Variants in CYB5R4 observed in about 807,000 individuals in gnomAD.
The protein encoded by CYB5R4 is N-terminal cytochrome b5 and cytochrome b5 oxidoreductase domain-containing protein.
A neutral mutation model predicts 70.2 loss-of-function variants in CYB5R4; 55 were observed. The ratio of observed to expected loss-of-function variants is 0.78; its 90% CI spans 0.63 to 0.98. The LOEUF is 0.98. Among genes scored for constraint, CYB5R4 ranks in the 50% least tolerant of loss-of-function variants. The pLI is 0.00. For missense variants in CYB5R4, 562 were observed against 612.6 expected (o/e 0.92, Z 0.87); for synonymous variants, 197 against 199.5 (o/e 0.99, Z 0.11).
intron 9 of CYB5R4, among the ~76,000 whole-genome samples, chr6:83,923,476 A>G (rs972537876): frequency 6.6e-6 from 1 of 152,144 alleles, no homozygotes; most frequent in African/African-American, 2.4e-5. Flanking sequence ...TTAAATTGTT[A>G]CTGGGTGTTG....
intron 2 of CYB5R4, among the ~76,000 whole-genome samples, chr6:83,867,617 G>A (rs541646725): frequency 1.3e-5 from 2 of 152,346 alleles, no homozygotes; most frequent in Admixed American, 6.5e-5. Flanking sequence ...GGAATAATAG[G>A]ATGAATGTGA....
intron 2 of CYB5R4, among the ~76,000 whole-genome samples, chr6:83,879,541 T>C (rs757222532): frequency 2.4e-4 from 36 of 152,062 alleles, no homozygotes; most frequent in Non-Finnish European, 2.8e-4. Context: ...CCAGATAGGA[T>C]CTGTGGTATG....
intron 2 of CYB5R4, among the ~76,000 whole-genome samples, chr6:83,891,275 A>T (rs2099461083): frequency 6.6e-6 from 1 of 152,192 alleles, no homozygotes; most frequent in Non-Finnish European, 1.5e-5. Flanking sequence ...GCACTGGGAA[A>T]CCAAAACATT....
intron 10 of CYB5R4, among the ~76,000 whole-genome samples, chr6:83,933,367 G>A (rs1222660789): frequency 6.6e-6 from 1 of 152,206 alleles, no homozygotes; most frequent in Non-Finnish European, 1.5e-5. Flanking sequence ...GAGCAAAAGG[G>A]AGAAGGGAAG....
intron 1 of CYB5R4, among the ~76,000 whole-genome samples, chr6:83,860,366 T>C (rs2099455737): frequency 6.6e-6 from 1 of 152,166 alleles, no homozygotes; most frequent in Non-Finnish European, 1.5e-5. Context: ...TTACAGACAC[T>C]ATCCAAGACA....
At position 83,966,707 on chromosome 6, in the gene CYB5R4, T is replaced by TA. The variant is rs1355839873; in HGVS notation, c.*6834dup. 6.6e-6 allele frequency: 1 copy of TA among 151,382 alleles called. No homozygotes were observed. The highest frequency in any genetic ancestry group is 1.5e-5 in the Non-Finnish European group (1 of 67,788). 9.4% of individuals were successfully genotyped at this position (151,382 alleles called of 1,614,324 possible). ...ACTCCATCTCAAAAAATAAAACAAATAAAAAGGATTCTAGAGGAAGTGGTA... is the reference window on the plus strand; with the variant it reads ...ACTCCATCTCAAAAAATAAAACAAATAAAAAAGGATTCTAGAGGAAGTGGTA... On this transcript the variant is annotated 3_prime_UTR_variant, in exon 16 of 16. Coordinates refer to ENST00000369681, the MANE Select transcript of CYB5R4 (RefSeq NM_016230.4).
rs1708396311 is a variant in CYB5R4 at position 83,963,378 on chromosome 6, C to G, written c.*3500C>G. 1 of 152,196 alleles carries G rather than the reference C, an allele frequency of 6.6e-6. No homozygotes were observed. Among genetic ancestry groups the G allele is most frequent in the African/African-American group, 2.4e-5 (1 of 41,448 alleles). 9.4% of individuals were successfully genotyped at this position (152,196 alleles called of 1,614,324 possible). A position where few individuals can be genotyped will look rare whatever the true frequency, so the allele number is the denominator to read the frequency against. Reference sequence around the variant, plus strand: ...TACAACCTGCTCTGTGATCTACCTTCTGAACCACACAAGCTTGTCCTGAAC... The same window carrying G: ...TACAACCTGCTCTGTGATCTACCTTGTGAACCACACAAGCTTGTCCTGAAC... On this transcript the variant is annotated 3_prime_UTR_variant, in exon 16 of 16. Transcript: ENST00000369681.
At chr6:83,939,528 A>T (rs1213515964) in intron 12 of CYB5R4, among the ~76,000 whole-genome samples, 1 of 152,190 alleles carries the variant, frequency 6.6e-6, no homozygotes, top group African/African-American at 2.4e-5. Context: ...GTAGAAGAGA[A>T]GTTGGTGTGT....
rs751632558 is a variant in CYB5R4 at position 83,940,061 on chromosome 6, T to C, written c.1114T>C (p.Phe372Leu). 6.3e-7 allele frequency: 1 copy of C among 1,581,896 alleles called. No homozygotes were observed. Among genetic ancestry groups the C allele is most frequent in the Non-Finnish European group, 8.6e-7 (1 of 1,165,136 alleles). ...PELDRLQIGD[F>L]VSVSSPEGNF... ...GCTTATGTTTCATTGTTTAGGAGATTTTGTTTCTGTAAGCAGTCCTGAGGG... is the reference window on the plus strand; with the variant it reads ...GCTTATGTTTCATTGTTTAGGAGATCTTGTTTCTGTAAGCAGTCCTGAGGG... The change falls in exon 13 of 16, where the codon TTT (phenylalanine) becomes CTT (leucine). Residue 372 changes from phenylalanine to leucine, a missense_variant. By Grantham distance (22) the Phe-to-Leu change is conservative. Coordinates refer to ENST00000369681, the MANE Select transcript of CYB5R4 (RefSeq NM_016230.4).
At chr6:83,932,174 T>C (rs1164986274) in intron 10 of CYB5R4, among the ~76,000 whole-genome samples, 1 of 152,198 alleles carries the variant, frequency 6.6e-6, no homozygotes, top group East Asian at 1.9e-4. Flanking sequence ...GATGAAAACT[T>C]TCTTAAATCT....
chr6:83,931,806 T>A (rs575791640), intron 10 of CYB5R4, among the ~76,000 whole-genome samples: 16,672 of 150,248 alleles, frequency 0.11, 2,061 homozygotes, highest in African/African-American at 0.31. Context: ...TATATATATT[T>A]TTTTTTTATT....
intron 2 of CYB5R4, among the ~76,000 whole-genome samples, chr6:83,873,668 A>C (rs1198313571): frequency 6.6e-6 from 1 of 152,180 alleles, no homozygotes; most frequent in Non-Finnish European, 1.5e-5. Context: ...CATTTAATGA[A>C]TATTTCTCAA....
rs762667294 is a variant in CYB5R4 at position 83,940,616 on chromosome 6, T to C, written c.1346+15T>C. 8.2e-6 allele frequency: 13 copies of C among 1,590,416 alleles called. No homozygotes were observed. Among genetic ancestry groups the C allele is most frequent in the South Asian group, 1.2e-5 (1 of 86,816 alleles). ...AAAGATAAAAGGTATTAAACTGATA[T>C]TAGCTCTGCGTTTAGTTATTTATAC... On this transcript the variant is annotated intron_variant, in intron 14 of 15. Transcript: ENST00000369681.
chr6:83,925,583 A>G (rs535138004), intron 10 of CYB5R4, among the ~76,000 whole-genome samples: 1 of 152,112 alleles, frequency 6.6e-6, no homozygotes. Context: ...TCTCTTTGGA[A>G]ATTGGTAGTA....
chr6:83,917,759 C>T (rs2099465737), intron 5 of CYB5R4, among the ~76,000 whole-genome samples: 1 of 151,968 alleles, frequency 6.6e-6, no homozygotes, highest in African/African-American at 2.4e-5. Context: ...AGTCAGAATA[C>T]ATGTTACTCT....
chr6:83,925,928 C>G (rs1227640646), intron 10 of CYB5R4, among the ~76,000 whole-genome samples: 4 of 152,098 alleles, frequency 2.6e-5, no homozygotes, highest in Admixed American at 2.6e-4. Flanking sequence ...ATATTTTTAA[C>G]TTCTATAAAT....
chr6:83,872,582 A>G (rs979103510), intron 2 of CYB5R4, among the ~76,000 whole-genome samples: 1 of 152,234 alleles, frequency 6.6e-6, no homozygotes, highest in Non-Finnish European at 1.5e-5. Context: ...CTTTCACATT[A>G]TCTTTTGGTT....
At chr6:83,870,269 T>C (rs1480572663) in intron 2 of CYB5R4, among the ~76,000 whole-genome samples, 2 of 152,228 alleles carry the variant, frequency 1.3e-5, no homozygotes, top group African/African-American at 4.8e-5. Flanking sequence ...AATGGGTCAG[T>C]ATTTACTAAT....
At chr6:83,893,228 A>G (rs1040332583) in intron 2 of CYB5R4, among the ~76,000 whole-genome samples, 1 of 152,172 alleles carries the variant, frequency 6.6e-6, no homozygotes, top group Non-Finnish European at 1.5e-5. Flanking sequence ...CAGTGAACTG[A>G]CACAAATGTT....
Sources: allele counts gnomAD v4.1 joint callset (sites outside exome capture counted in the v4.1 genomes callset), GRCh38; gene constraint gnomAD v4.1.1; transcripts MANE v1.5; gene names NCBI Gene and HGNC (gene_info 2026-07-23, HGNC 2026-07-21).